MS4A2: variants seen among roughly 807,000 people sequenced by gnomAD.
MS4A2 encodes the protein membrane spanning 4-domains A2, also known as high affinity immunoglobulin epsilon receptor subunit beta.
MS4A2 carries 26 observed loss-of-function variants against 27.9 expected under a neutral mutation model. That is an observed-to-expected ratio of 0.93 (90% CI 0.68 to 1.29). The LOEUF (loss-of-function observed/expected upper bound fraction) is 1.29, where lower values mean the gene tolerates loss of function less well. Among genes scored for constraint, MS4A2 ranks in the 50% most tolerant of loss-of-function variants. MS4A2 has a pLI of 0.00. For synonymous variants in MS4A2, 110 were observed against 98.8 expected (o/e 1.11, Z -0.67); for missense variants, 284 against 284.6 (o/e 1.00, Z 0.01).
chr11:60,092,612 T>G (rs2134696263), intron 3 of MS4A2, among the ~76,000 whole-genome samples, 180 bp from the exon 4 acceptor site: 2 of 152,192 alleles, frequency 1.3e-5, no homozygotes, highest in East Asian at 3.9e-4. Flanking sequence ...GTATACACAT[T>G]TAATTCTGAG....
chr11:60,089,097 T>C (rs1383621668), intron 1 of MS4A2, among the ~76,000 whole-genome samples: 1 of 152,184 alleles, frequency 6.6e-6, no homozygotes, highest in Non-Finnish European at 1.5e-5. Flanking sequence ...ATACTGTGTA[T>C]GTAGATCTCT....
rs1160324362 is a variant in MS4A2 at position 60,093,380 on chromosome 11, G to A, written c.379-20G>A. On this transcript the variant is annotated intron_variant, in intron 4 of 6. Coordinates refer to ENST00000278888, the MANE Select transcript of MS4A2 (RefSeq NM_000139.5). Reference sequence around the variant, plus strand: ...CCAGCAAGTGCAGGCCCAGGTCTGAGTGTTCTTCATTATTATCAGGTGAGA... The same window carrying A: ...CCAGCAAGTGCAGGCCCAGGTCTGAATGTTCTTCATTATTATCAGGTGAGA... 1 of 1,614,160 alleles carries A rather than the reference G, an allele frequency of 6.2e-7. No homozygotes were observed. The highest frequency in any genetic ancestry group is 1.3e-5 in the African/African-American group (1 of 75,048).
chr11:60,091,166 A>G (rs1429128673), intron 3 of MS4A2, among the ~76,000 whole-genome samples: 1 of 152,132 alleles, frequency 6.6e-6, no homozygotes. Context: ...TAATAATAAT[A>G]ATAATAGAAA....
chr11:60,094,691 G>GT (rs1390052572), intron 6 of MS4A2, among the ~76,000 whole-genome samples: 2 of 152,186 alleles, frequency 1.3e-5, no homozygotes, highest in Non-Finnish European at 2.9e-5. Context: ...GCTCACGCCT[G>GT]TAATCTCAGC....
intron 3 of MS4A2, among the ~76,000 whole-genome samples, chr11:60,091,547 G>A (rs551466716): frequency 3.3e-5 from 5 of 152,136 alleles, no homozygotes; most frequent in East Asian, 1.9e-4. Context: ...TTGTCCTCTC[G>A]TTCCCAAGAA....
upstream of MS4A2, chr11:60,088,573 C>A (rs918624884): frequency 1.8e-5 from 25 of 1,404,182 alleles, no homozygotes; most frequent in African/African-American, 3.2e-4. Flanking sequence ...CTATTCATCA[C>A]AAGTAAAAGC....
rs1223836314 is a variant in MS4A2 at position 60,097,804 on chromosome 11, T to G, written c.*2148T>G. The G allele has an allele frequency of 6.6e-6, 1 of 152,248 alleles. No homozygotes were observed. The highest frequency in any genetic ancestry group is 1.5e-5 in the Non-Finnish European group (1 of 68,046). 9.4% of individuals were successfully genotyped at this position (152,248 alleles called of 1,614,324 possible). A position where few individuals can be genotyped will look rare whatever the true frequency, so the allele number is the denominator to read the frequency against. ...CAACAAATAATTAAGTGACTTGGTA[T>G]GCTTTATTTAATTGTAGGGCCTGAG... On this transcript the variant is annotated 3_prime_UTR_variant, in exon 7 of 7. Coordinates refer to ENST00000278888, the MANE Select transcript of MS4A2 (RefSeq NM_000139.5).
chr11:60,093,660 T>G lies in MS4A2; in HGVS notation c.537+102T>G, dbSNP rs1590633450. ...ATGAACACCATCCTTTTCTGTAACT[T>G]CTATTACACAGTATAGTGGTTCTGT... On this transcript the variant is annotated intron_variant, in intron 5 of 6. Coordinates refer to ENST00000278888, the MANE Select transcript of MS4A2 (RefSeq NM_000139.5). The G allele has an allele frequency of 1.3e-5, 19 of 1,452,584 alleles. No homozygotes were observed. The South Asian group carries it at 2.1e-4, about 16-fold the overall frequency. 90.0% of individuals were successfully genotyped at this position (1,452,584 alleles called of 1,614,324 possible).
intron 5 of MS4A2, 183 bp downstream of exon 5, chr11:60,093,741 T>C (rs1855814249): frequency 1.1e-6 from 1 of 916,394 alleles, no homozygotes; most frequent in Non-Finnish European, 1.7e-6. Flanking sequence ...CCCAGGCAAA[T>C]TCCTCGGGGT....
Position 60,088,756 on chromosome 11 carries a change from T to A in MS4A2, c.-10T>A. ...ATTCTTTATTCCTGGACAGCTCGGT[T>A]AATGAAAAAATGGACACAGAAAGTA... On this transcript the variant is annotated 5_prime_UTR_variant, in exon 1 of 7. Coordinates refer to ENST00000278888, the MANE Select transcript of MS4A2 (RefSeq NM_000139.5). The A allele has an allele frequency of 6.2e-7, 1 of 1,610,672 alleles. No individual in the cohort carries two copies. Among genetic ancestry groups the A allele is most frequent in the Non-Finnish European group, 8.5e-7 (1 of 1,177,936 alleles).
chr11:60,094,796 T>G (rs1437193218), intron 6 of MS4A2, among the ~76,000 whole-genome samples: 2 of 151,702 alleles, frequency 1.3e-5, no homozygotes, highest in African/African-American at 4.8e-5. Flanking sequence ...TAAAACCAAA[T>G]CTTAAACCAA....
At chr11:60,089,670 G>A (rs1338701600) in intron 1 of MS4A2, 22 bp from the exon 2 acceptor site, 1 of 1,614,006 alleles carries the variant, frequency 6.2e-7, no homozygotes, top group South Asian at 1.1e-5. Context: ...TCTCATGACT[G>A]AATTGCTTTT....
intron 1 of MS4A2, 43 bp from the exon 2 acceptor site, chr11:60,089,649 T>C (rs1334303023): frequency 6.2e-7 from 1 of 1,613,584 alleles, no homozygotes; most frequent in Non-Finnish European, 8.5e-7. Flanking sequence ...GCACAGGGAG[T>C]TACAGAATGT....
chr11:60,088,876 T>A, intron 1 of MS4A2, 55 bp downstream of exon 1: 1 of 1,539,914 alleles, frequency 6.5e-7, no homozygotes, highest in Non-Finnish European at 8.9e-7. Context: ...GCAGGGGAAG[T>A]CATAGTCACG....
Position 60,090,423 on chromosome 11 carries a change from A to G in MS4A2, c.274A>G (p.Ile92Val), listed in dbSNP as rs1565074121. The G allele has an allele frequency of 3.1e-6, 5 of 1,613,388 alleles. No individual in the cohort carries two copies. The highest frequency in any genetic ancestry group is 1.3e-5 in the African/African-American group (1 of 75,000). Reference sequence around the variant, plus strand: ...TGATATTTCACACATTGAGGGAGACATTTTTTCATCATTTAAAGCAGGTTA... The same window carrying G: ...TGATATTTCACACATTGAGGGAGACGTTTTTTCATCATTTAAAGCAGGTTA... ...VLDISHIEGD[I>V]FSSFKAGYPF... is the part of the protein sequence containing the mutation. The change falls in exon 3 of 7, where the codon ATT becomes GTT. Residue 92 changes from isoleucine (I) to valine (V), a missense_variant. Coordinates refer to ENST00000278888, the MANE Select transcript of MS4A2 (RefSeq NM_000139.5).
chr11:60,090,016 C>T (rs929265489), intron 2 of MS4A2, among the ~76,000 whole-genome samples, 195 bp downstream of exon 2: 3 of 152,152 alleles, frequency 2.0e-5, no homozygotes, highest in African/African-American at 7.2e-5. Flanking sequence ...CTTTAAATTG[C>T]TAGGACGAGA....
Position 60,095,636 on chromosome 11 carries a change from T to A in MS4A2, c.715T>A (p.Ser239Thr). 6.2e-7 allele frequency: 1 copy of A among 1,607,164 alleles called. No homozygotes were observed. Among genetic ancestry groups the A allele is most frequent in the Non-Finnish European group, 8.5e-7 (1 of 1,173,770 alleles). The change falls in exon 7 of 7, where the codon TCT becomes ACT. Residue 239 changes from serine to threonine, a missense_variant. Physicochemically the swap from Ser to Thr is moderately conservative, Grantham distance 58. Transcript: ENST00000278888. ...YSELEDPGEM[S>T]PPIDL ...TGAGTTGGAAGACCCAGGGGAAATG[T>A]CTCCTCCCATTGATTTATAAGAATC...
Position 60,089,740 on chromosome 11 carries a change from A to G in MS4A2, c.105A>G (p.Ser35=). 6.2e-7 allele frequency: 1 copy of G among 1,614,208 alleles called. No individual in the cohort carries two copies. Among genetic ancestry groups the G allele is most frequent in the Non-Finnish European group, 8.5e-7 (1 of 1,180,012 alleles). The change falls in exon 2 of 7, where the codon TCA becomes TCG. Residue 35 remains serine (S), a synonymous_variant. Coordinates refer to ENST00000278888, the MANE Select transcript of MS4A2 (RefSeq NM_000139.5). Reference sequence around the variant, plus strand: ...AAATATCTCCCCAGGAAGTATCTTCAGGCAGACTATTGAAGTCGGCCTCAT... The same window carrying G: ...AAATATCTCCCCAGGAAGTATCTTCGGGCAGACTATTGAAGTCGGCCTCAT... ...VLEISPQEVS[S]GRLLKSASSP...
intron 2 of MS4A2, 39 bp from the exon 3 acceptor site, chr11:60,090,296 AT>A (rs1190697826): frequency 1.1e-5 from 17 of 1,604,588 alleles, no homozygotes; most frequent in Non-Finnish European, 1.0e-5. Context: ...TCTCGGGAAA[AT>A]TTTTTTGATT....
Sources: gnomAD v4.1 joint callset for allele counts (sites outside exome capture counted in the v4.1 genomes callset) on GRCh38, gnomAD v4.1.1 for gene constraint, MANE v1.5 for transcripts, NCBI Gene and HGNC (gene_info 2026-07-23, HGNC 2026-07-21) for gene names.